Variants in CFAP95 observed in about 807,000 individuals in gnomAD.
The protein encoded by CFAP95 is cilia- and flagella-associated protein 95.
the CFAP95 span, chr9:69,856,555 A>T: frequency 6.3e-7 from 1 of 1,588,738 alleles, no homozygotes. Flanking sequence ...ATGTTTCCAG[A>T]TTTGGACATC....
chr9:69,877,371 G>A, the CFAP95 span, among the ~76,000 whole-genome samples: 2 of 152,284 alleles, frequency 1.3e-5, no homozygotes, highest in East Asian at 3.9e-4. Context: ...CACCTTATTG[G>A]TGTTTAGATT....
chr9:69,843,618 CT>C, the CFAP95 span, among the ~76,000 whole-genome samples: 4 of 69,684 alleles, frequency 5.7e-5, no homozygotes, highest in African/African-American at 3.5e-4. Context: ...TCTTCTTCTT[CT>C]TCTTCTTCTT....
the CFAP95 span, among the ~76,000 whole-genome samples, chr9:69,892,393 A>T: frequency 2.0e-5 from 3 of 152,216 alleles, no homozygotes; most frequent in Non-Finnish European, 4.4e-5. Flanking sequence ...TCCCAGATGC[A>T]GATGCATCTT....
the CFAP95 span, among the ~76,000 whole-genome samples, chr9:69,902,101 C>T: frequency 6.6e-6 from 1 of 152,104 alleles, no homozygotes; most frequent in Non-Finnish European, 1.5e-5. Context: ...TATTTTTTGC[C>T]ATCATTCTCA....
the CFAP95 span, among the ~76,000 whole-genome samples, chr9:69,843,366 A>C: frequency 6.6e-6 from 1 of 151,584 alleles, no homozygotes; most frequent in Non-Finnish European, 1.5e-5. Context: ...AGTTCTATTA[A>C]AAATAGCTAC....
chr9:69,830,258 T>C, the CFAP95 span, among the ~76,000 whole-genome samples: 2 of 152,168 alleles, frequency 1.3e-5, no homozygotes, highest in African/African-American at 4.8e-5. Context: ...CTGGACCAAG[T>C]ACCTGTTTGG....
At chr9:69,879,219 G>A in the CFAP95 span, among the ~76,000 whole-genome samples, 1 of 152,128 alleles carries the variant, frequency 6.6e-6, no homozygotes, top group Non-Finnish European at 1.5e-5. Flanking sequence ...CTTTTAATCA[G>A]TAGATAATGA....
At chr9:69,820,970 G>T in the CFAP95 span, 19 of 1,613,850 alleles carry the variant, frequency 1.2e-5, no homozygotes, top group Admixed American at 5.0e-5. Flanking sequence ...GGAGCGCAAG[G>T]GCTCCCTGAC....
At chr9:69,821,673 A>G in the CFAP95 span, among the ~76,000 whole-genome samples, 1 of 152,012 alleles carries the variant, frequency 6.6e-6, no homozygotes, top group Admixed American at 6.5e-5. Context: ...TTTTCTGGCC[A>G]GAGACTGCAA....
At chr9:69,897,866 T>G in the CFAP95 span, among the ~76,000 whole-genome samples, 1 of 152,170 alleles carries the variant, frequency 6.6e-6, no homozygotes, top group African/African-American at 2.4e-5. Context: ...GACCCTCCTT[T>G]AACATCCTAA....
chr9:69,827,059 G>C, the CFAP95 span, among the ~76,000 whole-genome samples: 1 of 152,178 alleles, frequency 6.6e-6, no homozygotes, highest in Non-Finnish European at 1.5e-5. Flanking sequence ...ATATACTTCT[G>C]TTACAATAGT....
the CFAP95 span, among the ~76,000 whole-genome samples, chr9:69,892,678 GC>G: frequency 6.6e-6 from 1 of 152,020 alleles, no homozygotes; most frequent in Middle Eastern, 3.2e-3. Context: ...ACCCTGGCCC[GC>G]CACAACCCCA....
the CFAP95 span, among the ~76,000 whole-genome samples, chr9:69,843,446 TC>T: frequency 4.0e-5 from 1 of 25,170 alleles, no homozygotes. Context: ...TTCTTCCCCC[TC>T]CCCTCCCCCT....
At chr9:69,883,682 T>C in the CFAP95 span, among the ~76,000 whole-genome samples, 6 of 152,148 alleles carry the variant, frequency 3.9e-5, no homozygotes. Flanking sequence ...TATAGTTTCC[T>C]GTAGTAGCCA....
chr9:69,833,170 C>T, the CFAP95 span, among the ~76,000 whole-genome samples: 1 of 152,144 alleles, frequency 6.6e-6, no homozygotes, highest in Non-Finnish European at 1.5e-5. Flanking sequence ...TTATCCCTTA[C>T]TCCAAGCCTC....
the CFAP95 span, among the ~76,000 whole-genome samples, chr9:69,870,275 TG>T: frequency 3.3e-5 from 5 of 152,212 alleles, no homozygotes; most frequent in African/African-American, 1.2e-4. Context: ...TCAGCTCATT[TG>T]TCTAATGTAT....
At chr9:69,858,939 T>C in the CFAP95 span, among the ~76,000 whole-genome samples, 8 of 152,208 alleles carry the variant, frequency 5.3e-5, no homozygotes, top group Admixed American at 1.3e-4. Flanking sequence ...AGGTAAGTGA[T>C]GTGGAAATAC....
the CFAP95 span, among the ~76,000 whole-genome samples, chr9:69,845,283 TCAA>T: frequency 1.3e-5 from 2 of 152,118 alleles, no homozygotes; most frequent in African/African-American, 4.8e-5. Flanking sequence ...AGGCAAGAGC[TCAA>T]CAACTAGGAG....
chr9:69,905,816 A>G, the CFAP95 span: 1 of 612,520 alleles, frequency 1.6e-6, no homozygotes, highest in African/African-American at 1.9e-5. Context: ...AACATTTGCT[A>G]TTTGAGAGAA....
Sources: gnomAD v4.1 joint callset for allele counts (sites outside exome capture counted in the v4.1 genomes callset) on GRCh38, gnomAD v4.1.1 for gene constraint, MANE v1.5 for transcripts, NCBI Gene and HGNC (gene_info 2026-07-23, HGNC 2026-07-21) for gene names.